Variants in DLG2 observed in about 807,000 individuals in gnomAD.
The protein encoded by DLG2 is discs large MAGUK scaffold protein 2, also known as disks large homolog 2.
Under a neutral mutation model 132.5 loss-of-function variants are expected in DLG2, and 45 were observed. That is an observed-to-expected ratio of 0.34 (90% confidence interval 0.27 to 0.44). The LOEUF (loss-of-function observed/expected upper bound fraction) is 0.44. DLG2 is among the 20% of genes least tolerant of loss of function. DLG2 has a pLI of 1.00. For missense variants in DLG2, 1,045 were observed against 1,196.9 expected (o/e 0.87, Z 1.87); for synonymous variants, 424 against 419.6 (o/e 1.01, Z -0.13).
At chr11:84,213,158 G>C (rs2096779885) in intron 8 of DLG2, among the ~76,000 whole-genome samples, 1 of 152,178 alleles carries the variant, frequency 6.6e-6, no homozygotes, top group Non-Finnish European at 1.5e-5. Context: ...AGTTAGGTCA[G>C]AGGAAATCTT....
intron 3 of DLG2, among the ~76,000 whole-genome samples, chr11:85,399,284 C>T (rs1171777195): frequency 1.3e-5 from 2 of 152,066 alleles, no homozygotes; most frequent in East Asian, 1.9e-4. Flanking sequence ...TAAAAGAGGA[C>T]ACAAACAAAC....
intron 3 of DLG2, among the ~76,000 whole-genome samples, chr11:85,440,435 T>G (rs75136502): frequency 6.6e-6 from 1 of 152,158 alleles, no homozygotes; most frequent in Non-Finnish European, 1.5e-5. Flanking sequence ...TAACCAGACA[T>G]TTTTCTCATT....
intron 6 of DLG2, among the ~76,000 whole-genome samples, chr11:84,699,918 T>C (rs960079243): frequency 2.6e-5 from 4 of 151,604 alleles, no homozygotes; most frequent in African/African-American, 4.8e-5. Context: ...GGGTCAAATG[T>C]AGGCTGTACC....
At chr11:84,594,818 T>A (rs1565402523) in intron 6 of DLG2, among the ~76,000 whole-genome samples, 1 of 152,186 alleles carries the variant, frequency 6.6e-6, no homozygotes, top group Non-Finnish European at 1.5e-5. Flanking sequence ...TGTTGCAGGT[T>A]TCCATGGATA....
Position 84,638,496 on chromosome 11 carries a change from A to G in DLG2, c.358-103765T>C, listed in dbSNP as rs1025263016. On this transcript the variant is annotated intron_variant, in intron 6 of 27. Transcript: ENST00000376104. ...TTAAGACCAAAAGAAGTTAAGATGAATAATCATTTAAGATTAAAAGCAACA... is the reference window on the plus strand; with the variant it reads ...TTAAGACCAAAAGAAGTTAAGATGAGTAATCATTTAAGATTAAAAGCAACA... Among the ~76,000 whole-genome samples the G allele has an allele frequency of 2.6e-5, 4 of 152,208 alleles. No individual in the cohort carries two copies. In the East Asian group the frequency reaches 7.7e-4, roughly 29 times the overall value.
intron 7 of DLG2, among the ~76,000 whole-genome samples, chr11:84,327,322 A>T (rs918931135): frequency 2.0e-5 from 3 of 151,936 alleles, no homozygotes; most frequent in African/African-American, 7.3e-5. Context: ...ACTTCATGTG[A>T]TCCACCCGCC....
chr11:84,327,035 T>A (rs1038359399), intron 7 of DLG2, among the ~76,000 whole-genome samples: 28 of 151,976 alleles, frequency 1.8e-4, no homozygotes, highest in African/African-American at 5.8e-4. Context: ...TATTTTTCTA[T>A]CCTTTCACTT....
chr11:84,068,261 T>C (rs1252743304), intron 10 of DLG2, among the ~76,000 whole-genome samples: 1 of 152,248 alleles, frequency 6.6e-6, no homozygotes, highest in East Asian at 1.9e-4. Context: ...CGCTTAATTG[T>C]CCAGTTTGAG....
intron 14 of DLG2, among the ~76,000 whole-genome samples, chr11:83,930,825 T>G (rs1337063786): frequency 2.0e-5 from 3 of 152,178 alleles, no homozygotes; most frequent in South Asian, 2.1e-4. Flanking sequence ...TTTACTTACC[T>G]GGAACACAGA....
intron 14 of DLG2, among the ~76,000 whole-genome samples, chr11:83,962,046 T>A (rs74745648): frequency 0.13 from 20,486 of 151,948 alleles, 1,711 homozygotes; most frequent in African/African-American, 0.22. Flanking sequence ...AGCTTTCCTC[T>A]CCGGCAGAAA....
intron 4 of DLG2, among the ~76,000 whole-genome samples, chr11:85,192,358 C>T (rs1162963772): frequency 6.6e-6 from 1 of 152,138 alleles, no homozygotes; most frequent in Non-Finnish European, 1.5e-5. Context: ...TAAATTAATT[C>T]ATCCAAGGAA....
intron 7 of DLG2, among the ~76,000 whole-genome samples, chr11:84,406,447 T>A (rs2098850071): frequency 1.3e-5 from 2 of 152,194 alleles, no homozygotes; most frequent in Admixed American, 1.3e-4. Flanking sequence ...GCCTGCCAAG[T>A]ACCTGCAAGT....
intron 3 of DLG2, among the ~76,000 whole-genome samples, chr11:85,322,118 T>C (rs1377931354): frequency 6.6e-6 from 1 of 152,048 alleles, no homozygotes; most frequent in Non-Finnish European, 1.5e-5. Flanking sequence ...CCCTACTATA[T>C]CATAAATAGA....
intron 18 of DLG2, among the ~76,000 whole-genome samples, chr11:83,704,146 A>G (rs967962114): frequency 6.6e-6 from 1 of 152,202 alleles, no homozygotes; most frequent in Non-Finnish European, 1.5e-5. Flanking sequence ...TAAGATATTT[A>G]ACTTTCTAAG....
intron 6 of DLG2, among the ~76,000 whole-genome samples, chr11:84,705,792 T>G (rs2059721393): frequency 6.6e-6 from 1 of 151,934 alleles, no homozygotes. Flanking sequence ...AAAAATGAAG[T>G]ATGATGGGTG....
At chr11:84,126,479 T>C (rs1349462259) in intron 9 of DLG2, among the ~76,000 whole-genome samples, 1 of 152,122 alleles carries the variant, frequency 6.6e-6, no homozygotes, top group African/African-American at 2.4e-5. Context: ...CTTGTATGCA[T>C]TGGAAATCAT....
chr11:85,146,567 C>T (rs1178295299), intron 5 of DLG2, among the ~76,000 whole-genome samples: 2 of 152,070 alleles, frequency 1.3e-5, no homozygotes, highest in African/African-American at 2.4e-5. Context: ...CAGGATCCAG[C>T]GTGGTGCTTT....
chr11:85,459,874 C>A (rs138341748), intron 3 of DLG2, among the ~76,000 whole-genome samples: 3 of 152,290 alleles, frequency 2.0e-5, no homozygotes, highest in Non-Finnish European at 2.9e-5. Flanking sequence ...TAGTAAGAAA[C>A]AAGTAAGGTC....
chr11:84,775,332 T>C (rs1333161048), intron 6 of DLG2, among the ~76,000 whole-genome samples: 1 of 152,196 alleles, frequency 6.6e-6, no homozygotes, highest in Non-Finnish European at 1.5e-5. Context: ...GGTGGGAATG[T>C]AAATTAGTCC....
Sources: allele counts gnomAD v4.1 joint callset (sites outside exome capture counted in the v4.1 genomes callset), GRCh38; gene constraint gnomAD v4.1.1; transcripts MANE v1.5; gene names NCBI Gene and HGNC (gene_info 2026-07-23, HGNC 2026-07-21).